PLA1A: variants seen among roughly 807,000 people sequenced by gnomAD.
The protein encoded by PLA1A is phosphatidylserine-specific phospholipase A1alpha.
PLA1A carries 47 observed loss-of-function variants against 49.4 expected under a neutral mutation model. That is an observed-to-expected ratio of 0.95 (90% confidence interval 0.75 to 1.21). The LOEUF is 1.21. Among genes scored for constraint, PLA1A ranks in the 50% most tolerant of loss-of-function variants. The pLI, the probability that PLA1A is intolerant of heterozygous loss-of-function variation, is 0.00. For missense variants in PLA1A, 561 were observed against 563.9 expected (o/e 0.99, Z 0.05); for synonymous variants, 224 against 207.9 (o/e 1.08, Z -0.67).
At chr3:119,625,858 G>A (rs930312182) in intron 9 of PLA1A, among the ~76,000 whole-genome samples, 85 of 152,208 alleles carry the variant, frequency 5.6e-4, no homozygotes, top group African/African-American at 2.0e-3. Context: ...AACCCCAACT[G>A]TAGGGAGCCA....
chr3:119,629,342 C>A (rs911629180), intron 10 of PLA1A, 42 bp from the exon 11 acceptor site: 3 of 1,131,026 alleles, frequency 2.7e-6, no homozygotes, highest in Non-Finnish European at 4.1e-6. Flanking sequence ...CAAGCCCTGT[C>A]TCCTCACCAG....
intron 8 of PLA1A, among the ~76,000 whole-genome samples, chr3:119,623,473 A>T (rs1004780843): frequency 6.6e-6 from 1 of 152,012 alleles, no homozygotes; most frequent in Non-Finnish European, 1.5e-5. Context: ...TTCTCTTGCC[A>T]GAGGGACAGC....
At chr3:119,619,362 C>T (rs987865593) in intron 7 of PLA1A, among the ~76,000 whole-genome samples, 3 of 152,132 alleles carry the variant, frequency 2.0e-5, no homozygotes, top group Non-Finnish European at 4.4e-5. Flanking sequence ...AGCATATTTC[C>T]GTTTATGTGT....
intron 6 of PLA1A, 25 bp from the exon 7 acceptor site, chr3:119,617,994 T>A (rs748862154): frequency 6.4e-7 from 1 of 1,571,428 alleles, no homozygotes. Flanking sequence ...GACTGAAACC[T>A]TGGTTGTGTT....
chr3:119,620,844 C>A (rs1482641752), intron 8 of PLA1A, among the ~76,000 whole-genome samples: 2 of 152,144 alleles, frequency 1.3e-5, no homozygotes, highest in African/African-American at 4.8e-5. Context: ...AACTGGGAGA[C>A]TTAAGGAAAG....
intron 1 of PLA1A, among the ~76,000 whole-genome samples, chr3:119,598,322 C>T (rs547293768): frequency 6.6e-6 from 1 of 152,088 alleles, no homozygotes; most frequent in Non-Finnish European, 1.5e-5. Context: ...AAATATCCAC[C>T]ATTCCAAGAT....
intron 6 of PLA1A, among the ~76,000 whole-genome samples, chr3:119,617,497 C>A (rs1349855935): frequency 6.6e-6 from 1 of 152,062 alleles, no homozygotes; most frequent in Admixed American, 6.5e-5. Context: ...AATCTCAGCA[C>A]TCTCGGAGGT....
chr3:119,600,013 C>CAAAGGGA (rs1454112118), intron 1 of PLA1A, among the ~76,000 whole-genome samples: 2 of 151,530 alleles, frequency 1.3e-5, no homozygotes, highest in Non-Finnish European at 1.5e-5. Context: ...AGAAATATGC[C>CAAAGGGA]AAAGGGAAAA....
At chr3:119,608,619 C>T in intron 2 of PLA1A, 151 bp from the exon 3 acceptor site, 1 of 636,666 alleles carries the variant, frequency 1.6e-6, no homozygotes, top group Non-Finnish European at 2.8e-6. Flanking sequence ...TGTGTCCTCC[C>T]TATGCTCCAA....
chr3:119,607,079 T>A, intron 2 of PLA1A, 104 bp downstream of exon 2: 1 of 878,412 alleles, frequency 1.1e-6, no homozygotes, highest in Admixed American at 1.8e-5. Context: ...AATTTACCAA[T>A]GGCCACATGT....
chr3:119,619,114 C>G (rs145672697), intron 7 of PLA1A, among the ~76,000 whole-genome samples: 129 of 152,306 alleles, frequency 8.5e-4, no homozygotes, highest in Middle Eastern at 3.4e-3. Context: ...AAGTGTACAT[C>G]GGGCTTCCTC....
chr3:119,611,683 C>A (rs1010665917), intron 4 of PLA1A, among the ~76,000 whole-genome samples: 5 of 152,144 alleles, frequency 3.3e-5, no homozygotes, highest in African/African-American at 1.2e-4. Flanking sequence ...CATAGAAATG[C>A]AACTGACTTT....
chr3:119,618,116 C>A lies in PLA1A; in HGVS notation c.852C>A (p.Ser284Arg). 6.2e-7 allele frequency: 1 copy of A among 1,614,076 alleles called. No homozygotes were observed. Among genetic ancestry groups the A allele is most frequent in the East Asian group, 2.2e-5 (1 of 44,878 alleles). The change falls in exon 7 of 11, where the codon AGC becomes AGA. Residue 284 changes from serine (S) to arginine (R), a missense_variant. Ser to Arg is a moderately radical substitution (Grantham distance 110). Coordinates refer to ENST00000273371, the MANE Select transcript of PLA1A (RefSeq NM_015900.4). The stretch of plus-strand genomic sequence containing the variant: ...CACTGATGGCCTTTCCCTGTGCCAG[C>A]TACAAGGCCTTCCTTGCTGGACGCT... ...SCPLMAFPCASYKAFLAGRCL... is the reference protein window; with the variant it reads ...SCPLMAFPCARYKAFLAGRCL...
chr3:119,624,496 A>G (rs532007566), intron 8 of PLA1A, among the ~76,000 whole-genome samples: 36 of 152,352 alleles, frequency 2.4e-4, no homozygotes, highest in African/African-American at 7.9e-4. Flanking sequence ...CACCATGAAT[A>G]TGTCAGCAAA....
At chr3:119,624,709 C>A (rs1397525490) in intron 8 of PLA1A, among the ~76,000 whole-genome samples, 2 of 151,904 alleles carry the variant, frequency 1.3e-5, no homozygotes, top group African/African-American at 4.8e-5. Flanking sequence ...CTGCTCACTG[C>A]AAACTCTGCC....
At position 119,608,830 on chromosome 3, in the gene PLA1A, G is replaced by A. The variant is rs114103322; in HGVS notation, c.336G>A (p.Thr112=). ...DTFIRTLLRA[T]NANVIAVDWI... The stretch of plus-strand genomic sequence containing the variant: ...TTATTAGAACCCTTCTGCGTGCAAC[G>A]AATGCTAATGTGATTGCCGTGGACT... Residue 112 remains threonine, a synonymous_variant, in exon 3 of 11, where the codon ACG becomes ACA. Transcript: ENST00000273371. 1,371 of 1,613,672 alleles carry A rather than the reference G, an allele frequency of 8.5e-4. 6 individuals are homozygous for A. In the African/African-American group the frequency reaches 0.01, roughly 12 times the overall value.
chr3:119,610,052 A>G (rs937597675), intron 4 of PLA1A, among the ~76,000 whole-genome samples: 6 of 152,144 alleles, frequency 3.9e-5, no homozygotes, highest in Non-Finnish European at 8.8e-5. Flanking sequence ...TTTAGCTCCC[A>G]CTTATAAGTG....
At chr3:119,598,696 T>C (rs2082573391) in intron 1 of PLA1A, 1 of 152,342 alleles carries the variant, frequency 6.6e-6, no homozygotes. Flanking sequence ...TCTTCTCCGC[T>C]GGACATTTAA....
chr3:119,601,256 G>A (rs1036258838), intron 1 of PLA1A, among the ~76,000 whole-genome samples: 6 of 152,238 alleles, frequency 3.9e-5, no homozygotes, highest in Non-Finnish European at 7.3e-5. Context: ...GACAGGTGCA[G>A]GTGGGAGTGC....
Sources: gnomAD v4.1 joint callset for allele counts (sites outside exome capture counted in the v4.1 genomes callset) on GRCh38, gnomAD v4.1.1 for gene constraint, MANE v1.5 for transcripts, NCBI Gene and HGNC (gene_info 2026-07-23, HGNC 2026-07-21) for gene names.